The following DCC variants were observed in gnomAD, a reference collection of about 807,000 sequenced individuals.
DCC encodes the protein DCC netrin 1 receptor, also known as netrin receptor DCC.
Under a neutral mutation model 172.5 loss-of-function variants are expected in DCC, and 58 were observed. That is an observed-to-expected ratio of 0.34 (90% confidence interval 0.27 to 0.42). The LOEUF (loss-of-function observed/expected upper bound fraction) is 0.42. Among genes scored for constraint, DCC ranks in the 10% least tolerant of loss-of-function variants. The pLI is 1.00. For synonymous variants in DCC, 709 were observed against 644.5 expected (o/e 1.10, Z -1.52); for missense variants, 1,740 against 1,791.0 (o/e 0.97, Z 0.51).
chr18:52,502,715 C>G (rs1334008226), intron 1 of DCC, among the ~76,000 whole-genome samples: 1 of 152,166 alleles, frequency 6.6e-6, no homozygotes, highest in Admixed American at 6.6e-5. Flanking sequence ...CATGCGAAGT[C>G]TATCTTTCTG....
chr18:52,894,318 C>A (rs2039695821), intron 2 of DCC, among the ~76,000 whole-genome samples: 1 of 151,882 alleles, frequency 6.6e-6, no homozygotes. Context: ...ATTCCTCAGG[C>A]AATTAGGATG....
At chr18:53,250,826 A>T (rs1444666950) in intron 12 of DCC, among the ~76,000 whole-genome samples, 1 of 151,796 alleles carries the variant, frequency 6.6e-6, no homozygotes, top group African/African-American at 2.4e-5. Flanking sequence ...CATGTTCAGG[A>T]TCTCCACTTC....
At chr18:52,555,189 C>T (rs2032881418) in intron 1 of DCC, among the ~76,000 whole-genome samples, 3 of 151,988 alleles carry the variant, frequency 2.0e-5, no homozygotes, top group African/African-American at 7.2e-5. Context: ...ACAAAGAAAA[C>T]TCACAGTCGA....
chr18:52,941,546 G>A (rs113296569), intron 5 of DCC, among the ~76,000 whole-genome samples: 82 of 150,988 alleles, frequency 5.4e-4, no homozygotes, highest in Middle Eastern at 3.5e-3. Flanking sequence ...GTAAAAATGC[G>A]CTCATATACA....
chr18:53,462,865 C>T (rs1366950517), intron 24 of DCC, among the ~76,000 whole-genome samples: 1 of 152,192 alleles, frequency 6.6e-6, no homozygotes, highest in Non-Finnish European at 1.5e-5. Context: ...TTTTCACATG[C>T]CCACTTGGCC....
At chr18:53,255,826 C>G (rs542739544) in intron 12 of DCC, among the ~76,000 whole-genome samples, 176 of 152,292 alleles carry the variant, frequency 1.2e-3, no homozygotes, top group Admixed American at 2.2e-3. Flanking sequence ...TACAGTTCCA[C>G]CAACAGTGTA....
chr18:52,884,307 CT>C (rs2039538411), intron 2 of DCC, among the ~76,000 whole-genome samples: 1 of 151,994 alleles, frequency 6.6e-6, no homozygotes, highest in Admixed American at 6.6e-5. Flanking sequence ...TTTTTCTCTA[CT>C]TCCTCTTGAA....
At chr18:53,258,168 G>A (rs1288439688) in intron 12 of DCC, among the ~76,000 whole-genome samples, 4 of 152,016 alleles carry the variant, frequency 2.6e-5, no homozygotes, top group East Asian at 1.9e-4. Flanking sequence ...ACCAGCTCCT[G>A]GAATCATTGA....
chr18:53,440,011 C>T (rs565887706), intron 22 of DCC, among the ~76,000 whole-genome samples: 3 of 151,530 alleles, frequency 2.0e-5, no homozygotes, highest in East Asian at 1.9e-4. Flanking sequence ...GTGATCCGCC[C>T]GCCTCGGCCT....
chr18:52,467,886 G>C (rs4641846), intron 1 of DCC, among the ~76,000 whole-genome samples: 8 of 151,932 alleles, frequency 5.3e-5, no homozygotes, highest in Non-Finnish European at 1.0e-4. Context: ...CCCACTTTAT[G>C]ATGGGACTGT....
chr18:52,986,475 C>T (rs2041294669), intron 5 of DCC, among the ~76,000 whole-genome samples: 3 of 152,092 alleles, frequency 2.0e-5, no homozygotes, highest in African/African-American at 7.2e-5. Context: ...GAGGCTTTGT[C>T]CTCTGAAAGT....
intron 7 of DCC, among the ~76,000 whole-genome samples, chr18:53,103,665 C>T (rs2043205066): frequency 6.6e-6 from 1 of 152,132 alleles, no homozygotes; most frequent in Non-Finnish European, 1.5e-5. Flanking sequence ...TTCTGTTGTA[C>T]TTTCATGAAA....
chr18:53,419,825 CT>C (rs112418108), intron 21 of DCC, among the ~76,000 whole-genome samples: 65,131 of 149,372 alleles, frequency 0.44, 15,873 homozygotes, highest in Non-Finnish European at 0.56. Flanking sequence ...TTCCAAAAGC[CT>C]TTTTTTTTTA....
intron 1 of DCC, among the ~76,000 whole-genome samples, chr18:52,661,868 A>G (rs1463338851): frequency 6.6e-6 from 1 of 152,226 alleles, no homozygotes; most frequent in Non-Finnish European, 1.5e-5. Context: ...ATATTAAGCA[A>G]TCATATAGTA....
chr18:52,456,367 T>C (rs1452466732), intron 1 of DCC, among the ~76,000 whole-genome samples: 1 of 152,174 alleles, frequency 6.6e-6, no homozygotes, highest in Admixed American at 6.6e-5. Context: ...TAATGAAATT[T>C]CCTGTTGCTT....
intron 2 of DCC, among the ~76,000 whole-genome samples, chr18:52,896,982 G>A (rs1485120728): frequency 6.6e-6 from 1 of 152,170 alleles, no homozygotes; most frequent in Non-Finnish European, 1.5e-5. Context: ...GGGGTCCTGA[G>A]GATATTACTA....
chr18:53,131,684 A>G (rs1037063107), intron 7 of DCC, among the ~76,000 whole-genome samples: 3 of 152,180 alleles, frequency 2.0e-5, no homozygotes, highest in Non-Finnish European at 4.4e-5. Context: ...ATGATTTCAA[A>G]CAAGGTTACT....
At chr18:53,385,924 T>C (rs1251539306) in intron 15 of DCC, 119 bp from the exon 16 acceptor site, 1 of 754,860 alleles carries the variant, frequency 1.3e-6, no homozygotes, top group East Asian at 2.7e-5. Context: ...AACTCACTCA[T>C]TCTTAAACAA....
intron 27 of DCC, among the ~76,000 whole-genome samples, chr18:53,510,357 T>C (rs1029467284): frequency 4.6e-5 from 7 of 152,166 alleles, no homozygotes; most frequent in African/African-American, 1.4e-4. Context: ...AGTGAACCCA[T>C]GAATAGTGAT....
Sources: gnomAD v4.1 joint callset for allele counts (sites outside exome capture counted in the v4.1 genomes callset) on GRCh38, gnomAD v4.1.1 for gene constraint, MANE v1.5 for transcripts, NCBI Gene and HGNC (gene_info 2026-07-23, HGNC 2026-07-21) for gene names.